Variants in GLIS3 observed in about 807,000 individuals in gnomAD.
The protein encoded by GLIS3 is GLIS family zinc finger 3, also known as zinc finger protein GLIS3.
A neutral mutation model predicts 78.6 loss-of-function variants in GLIS3; 53 were observed. The observed-to-expected ratio is 0.67, with a 90% CI of 0.54 to 0.85. The LOEUF (loss-of-function observed/expected upper bound fraction) is 0.85. Among genes scored for constraint, GLIS3 ranks in the 40% least tolerant of loss-of-function variants. The probability of loss-of-function intolerance (pLI) is 0.00; values close to 1 mark genes in which losing one functional copy is unlikely to be tolerated. For synonymous variants in GLIS3, 684 were observed against 509.9 expected (o/e 1.34, Z -4.60); for missense variants, 1,703 against 1,231.1 (o/e 1.38, Z -5.74).
In GLIS3 at chr9:4,232,497, CTG is replaced by C. The variant is rs774528960; in HGVS notation, c.388+53539_388+53540del. On this transcript the variant is annotated intron_variant, in intron 2 of 10. Transcript: ENST00000381971. The stretch of plus-strand genomic sequence containing the variant: ...CTATGTTTACTCTGCCATTTACTGG[CTG>C]TTTGACTTTCAGCAATATGATAACT... 3.4e-4 allele frequency among the ~76,000 whole-genome samples: 52 copies of C among 152,126 alleles called. 1 individual carries two copies. The highest frequency in any genetic ancestry group is 3.4e-3 in the Middle Eastern group (1 of 292).
rs376998444 is a variant in GLIS3 at position 4,257,586 on chromosome 9, T to TTGTTGTTGTTGTTGTTGTTGTTGTTG, written c.388+28451_388+28452insCAACAACAACAACAACAACAACAACA. 3.9e-4 allele frequency among the ~76,000 whole-genome samples: 59 copies of TTGTTGTTGTTGTTGTTGTTGTTGTTG among 150,462 alleles called. 1 individual carries two copies. Among genetic ancestry groups the TTGTTGTTGTTGTTGTTGTTGTTGTTG allele is most frequent in the South Asian group, 2.8e-3 (13 of 4,658 alleles). The stretch of plus-strand genomic sequence containing the variant: ...GTATATGTTGTTGTTGTTGTTGTTA[T>TTGTTGTTGTTGTTGTTGTTGTTGTTG]TTTTTGAGACGGAGTCTCGCTCTGT... On this transcript the variant is annotated intron_variant, in intron 2 of 10. Transcript: ENST00000381971.
At chr9:3,897,537 G>GT (rs1822946123) in intron 7 of GLIS3, among the ~76,000 whole-genome samples, 1 of 152,132 alleles carries the variant, frequency 6.6e-6, no homozygotes, top group Non-Finnish European at 1.5e-5. Flanking sequence ...TGAAACCTCT[G>GT]TAAGTTTGGT....
intron 4 of GLIS3, among the ~76,000 whole-genome samples, chr9:4,096,208 G>C (rs963824210): frequency 2.6e-5 from 4 of 152,128 alleles, no homozygotes; most frequent in Admixed American, 1.3e-4. Context: ...TAAAATCTGT[G>C]TTTCTACATA....
intron 4 of GLIS3, among the ~76,000 whole-genome samples, chr9:3,994,223 T>C (rs1219517340): frequency 1.3e-5 from 2 of 152,248 alleles, no homozygotes; most frequent in African/African-American, 4.8e-5. Context: ...ATGAAACTGA[T>C]GCAGCCGGTA....
intron 2 of GLIS3, among the ~76,000 whole-genome samples, chr9:4,321,321 C>T (rs112279608): frequency 2.3e-4 from 29 of 126,902 alleles, no homozygotes; most frequent in African/African-American, 9.2e-4. Context: ...ACTCGGGAGG[C>T]TGAGGCAGGA....
At chr9:4,453,968 C>T in the GLIS3 span, among the ~76,000 whole-genome samples, 2 of 151,780 alleles carry the variant, frequency 1.3e-5, no homozygotes, top group African/African-American at 2.4e-5. Flanking sequence ...GCACGTTGTG[C>T]ACATGTACCC....
chr9:4,349,340 T>C (rs967217203), upstream of GLIS3, among the ~76,000 whole-genome samples: 5 of 152,234 alleles, frequency 3.3e-5, no homozygotes, highest in Non-Finnish European at 5.9e-5. Flanking sequence ...AGCCAGGCAT[T>C]TGACTCTTCT....
At chr9:4,325,528 C>T (rs759085305) in intron 2 of GLIS3, among the ~76,000 whole-genome samples, 2 of 152,160 alleles carry the variant, frequency 1.3e-5, no homozygotes, top group African/African-American at 4.8e-5. Flanking sequence ...CAGTTGCTCT[C>T]GATTCTCCTA....
intron 4 of GLIS3, among the ~76,000 whole-genome samples, chr9:3,952,756 C>G (rs1312548115): frequency 1.3e-5 from 2 of 152,168 alleles, no homozygotes; most frequent in African/African-American, 4.8e-5. Context: ...CACAGTGCTT[C>G]TTGCACTTTA....
At position 4,217,160 on chromosome 9, in the gene GLIS3, C is replaced by G. The variant is rs551889327; in HGVS notation, c.388+68878G>C. 9.5e-4 allele frequency among the ~76,000 whole-genome samples: 144 copies of G among 152,226 alleles called. 1 individual carries two copies. The highest frequency in any genetic ancestry group is 1.5e-3 in the Non-Finnish European group (104 of 68,024). On this transcript the variant is annotated intron_variant, in intron 2 of 10. Transcript: ENST00000381971. ...TGAAGTAGAGAACCAAGGTGACAGG[C>G]TCATCAACATAGTCATGAACCCAAA... is the stretch of plus-strand genomic sequence containing the variant.
intron 2 of GLIS3, among the ~76,000 whole-genome samples, chr9:4,244,937 G>C (rs1052334548): frequency 6.6e-6 from 1 of 152,094 alleles, no homozygotes. Flanking sequence ...ATATTTTTAA[G>C]TTCTCATTCT....
intron 4 of GLIS3, among the ~76,000 whole-genome samples, chr9:3,986,538 C>T (rs1250027255): frequency 6.6e-6 from 1 of 152,232 alleles, no homozygotes; most frequent in Non-Finnish European, 1.5e-5. Context: ...AATGAGTTCT[C>T]AATTCATATA....
At chr9:4,000,598 G>A (rs927842510) in intron 4 of GLIS3, among the ~76,000 whole-genome samples, 1 of 152,152 alleles carries the variant, frequency 6.6e-6, no homozygotes, top group Non-Finnish European at 1.5e-5. Flanking sequence ...AAAAGAAAAG[G>A]TTATTTTCTT....
chr9:4,319,449 G>A (rs531117997), intron 2 of GLIS3, among the ~76,000 whole-genome samples: 82 of 152,138 alleles, frequency 5.4e-4, no homozygotes, highest in African/African-American at 1.9e-3. Flanking sequence ...AGAACTTGAC[G>A]TTTTTCTAAG....
intron 4 of GLIS3, among the ~76,000 whole-genome samples, chr9:3,973,875 T>G (rs1818566387): frequency 6.6e-6 from 1 of 152,088 alleles, no homozygotes; most frequent in Non-Finnish European, 1.5e-5. Context: ...TTGTAAAACT[T>G]TTACATGTTT....
intron 8 of GLIS3, among the ~76,000 whole-genome samples, chr9:3,860,787 G>A (rs1820163079): frequency 6.6e-6 from 1 of 152,150 alleles, no homozygotes; most frequent in Non-Finnish European, 1.5e-5. Context: ...TAAAGTCCAT[G>A]GTGACATTTA....
chr9:4,336,107 G>A (rs1382842304), intron 2 of GLIS3, among the ~76,000 whole-genome samples: 1 of 152,212 alleles, frequency 6.6e-6, no homozygotes, highest in East Asian at 1.9e-4. Context: ...CACATGGCAT[G>A]ATATTAAAGT....
chr9:4,061,140 T>C (rs571363770), intron 4 of GLIS3, among the ~76,000 whole-genome samples: 2 of 152,162 alleles, frequency 1.3e-5, no homozygotes, highest in East Asian at 1.9e-4. Context: ...TATGTATACA[T>C]GTGCCATGTT....
chr9:3,864,645 G>A (rs1820452239), intron 8 of GLIS3, among the ~76,000 whole-genome samples: 1 of 152,186 alleles, frequency 6.6e-6, no homozygotes, highest in East Asian at 1.9e-4. Context: ...AATAACATGT[G>A]CTGTTTATAG....
Sources: gnomAD v4.1 joint callset for allele counts (sites outside exome capture counted in the v4.1 genomes callset) on GRCh38, gnomAD v4.1.1 for gene constraint, MANE v1.5 for transcripts, NCBI Gene and HGNC (gene_info 2026-07-23, HGNC 2026-07-21) for gene names.